Variants in GPR65 observed in about 807,000 individuals in gnomAD.
The protein encoded by GPR65 is T-cell death-associated gene 8 protein.
In GPR65, 2 loss-of-function variants were observed where a neutral mutation model predicts 0.7. That is an observed-to-expected ratio of 2.83 (90% CI 1.16 to 8.92). GPR65 has a LOEUF of 8.92. Among genes scored for constraint, GPR65 ranks in the 30% most tolerant of loss-of-function variants. The probability of loss-of-function intolerance (pLI) is 0.04; values close to 1 mark genes in which losing one functional copy is unlikely to be tolerated. For synonymous variants in GPR65, 128 were observed against 146.5 expected (o/e 0.87, Z 0.91); for missense variants, 379 against 399.4 (o/e 0.95, Z 0.43).
At position 88,014,481 on chromosome 14, in the gene GPR65, G is replaced by T. The variant is rs1887735421; in HGVS notation, c.*2620G>T. The stretch of plus-strand genomic sequence containing the variant: ...CTCAGCACTTAAAAAATTACATCTT[G>T]TATTTGAATTGTTAAATCTGTTCCC... On this transcript the variant is annotated 3_prime_UTR_variant, in exon 2 of 2. Transcript: ENST00000267549. The T allele has an allele frequency of 6.6e-6, 1 of 152,028 alleles. No individual in the cohort carries two copies. Among genetic ancestry groups the T allele is most frequent in the African/African-American group, 2.4e-5 (1 of 41,406 alleles). The allele number at this position is 152,028 out of a possible 1,614,324, so 9.4% of individuals were successfully genotyped here.
rs146738368 is a variant in GPR65 at position 88,011,645 on chromosome 14, G to A, written c.798G>A (p.Lys266=). ...TCGAAGACCACAGCAATTCTGGGAA[G>A]CGAACTTACACAATGTATAGAATCA... ...VNFEDHSNSG[K]RTYTMYRITV... Residue 266 remains lysine, a synonymous_variant, in exon 2 of 2, where the codon AAG becomes AAA. Coordinates refer to ENST00000267549, the MANE Select transcript of GPR65 (RefSeq NM_003608.4). 6.2e-6 allele frequency: 10 copies of A among 1,613,804 alleles called. No individual in the cohort carries two copies. The African/African-American group carries it at 6.7e-5, about 11-fold the overall frequency.
In GPR65 at chr14:88,011,367, T is replaced by C. The variant is rs771016297; in HGVS notation, c.520T>C (p.Tyr174His). ...TAATTTTACTTTATGCTATGACAAATACCCTTTAGAGAAATGGCAAATCAA... is the reference window on the plus strand; with the variant it reads ...TAATTTTACTTTATGCTATGACAAACACCCTTTAGAGAAATGGCAAATCAA... The part of the protein sequence containing the change: ...KSNFTLCYDK[Y>H]PLEKWQINLN... The change falls in exon 2 of 2, where the codon TAC becomes CAC. Residue 174 changes from tyrosine to histidine, a missense_variant. Transcript: ENST00000267549. 9 of 1,614,108 alleles carry C rather than the reference T, an allele frequency of 5.6e-6. No individual in the cohort carries two copies. In the South Asian group the frequency reaches 6.6e-5, roughly 12 times the overall value.
rs965761617 is a variant in GPR65, at chr14:88,013,836, T to C, written c.*1975T>C. 6.6e-6 allele frequency: 1 copy of C among 151,498 alleles called. No homozygotes were observed. The highest frequency in any genetic ancestry group is 2.4e-5 in the African/African-American group (1 of 41,156). 9.4% of individuals were successfully genotyped at this position (151,498 alleles called of 1,614,324 possible). Reference sequence around the variant, plus strand: ...GGGTGAGGGGGAAGTGATGTGGGGGTTATGGTACCTCTTTTCTCTTCCAAA... The same window carrying C: ...GGGTGAGGGGGAAGTGATGTGGGGGCTATGGTACCTCTTTTCTCTTCCAAA... On this transcript the variant is annotated 3_prime_UTR_variant, in exon 2 of 2. Coordinates refer to ENST00000267549, the MANE Select transcript of GPR65 (RefSeq NM_003608.4).
rs139775422 is a variant in GPR65 at position 88,011,327 on chromosome 14, C to T, written c.480C>T (p.Cys160=). The T allele has an allele frequency of 1.3e-4, 213 of 1,613,750 alleles. 1 individual carries two copies. In the East Asian group the frequency reaches 2.0e-3, roughly 15 times the overall value. ...LWEDETVVEY[C]DAEKSNFTLC... ...AAGATGAAACAGTTGTTGAATATTG[C>T]GATGCCGAAAAGTCTAATTTTACTT... The change falls in exon 2 of 2, where the codon TGC becomes TGT. Residue 160 remains cysteine (C), a synonymous_variant. Transcript: ENST00000267549.
In GPR65 at chr14:88,012,767, A is replaced by C. The variant is rs1351752357; in HGVS notation, c.*906A>C. 6.6e-6 allele frequency: 1 copy of C among 152,186 alleles called. No homozygotes were observed. Among genetic ancestry groups the C allele is most frequent in the Non-Finnish European group, 1.5e-5 (1 of 68,032 alleles). 9.4% of individuals were successfully genotyped at this position (152,186 alleles called of 1,614,324 possible). ...TCATTAACAAATATTTATTGAATCCATTCCATAAACTAGGTTTTGAGTTAA... is the reference window on the plus strand; with the variant it reads ...TCATTAACAAATATTTATTGAATCCCTTCCATAAACTAGGTTTTGAGTTAA... On this transcript the variant is annotated 3_prime_UTR_variant, in exon 2 of 2. Transcript: ENST00000267549.
chr14:88,011,266 T>C lies in GPR65; in HGVS notation c.419T>C (p.Ile140Thr). The change falls in exon 2 of 2, where the codon ATA becomes ACA. Residue 140 changes from isoleucine (I) to threonine (T), a missense_variant. Physicochemically the swap from Ile to Thr is moderately conservative, Grantham distance 89. Coordinates refer to ENST00000267549, the MANE Select transcript of GPR65 (RefSeq NM_003608.4). ...CTCATGGTCAGCCTGTCCATCTGGA[T>C]ATTGGAAACCATCTTCAATGCTGTC... ...FALMVSLSIW[I>T]LETIFNAVML... 6.2e-7 allele frequency: 1 copy of C among 1,613,932 alleles called. No individual in the cohort carries two copies. The highest frequency in any genetic ancestry group is 8.5e-7 in the Non-Finnish European group (1 of 1,179,880).
At position 88,010,845 on chromosome 14, in the gene GPR65, A is replaced by G. The variant is rs1490835814; in HGVS notation, c.-3A>G. The stretch of plus-strand genomic sequence containing the variant: ...ATATAATTGCTACCTTAAAAAGGAA[A>G]AAATGAACAGCACATGTATTGAAGA... On this transcript the variant is annotated 5_prime_UTR_variant, in exon 2 of 2. Transcript: ENST00000267549. 9 of 1,600,472 alleles carry G rather than the reference A, an allele frequency of 5.6e-6. No individual in the cohort carries two copies. The highest frequency in any genetic ancestry group is 5.5e-5 in the South Asian group (5 of 90,472).
intron 1 of GPR65, among the ~76,000 whole-genome samples, chr14:88,008,800 T>C (rs1182071841): frequency 6.6e-6 from 1 of 152,142 alleles, no homozygotes. Context: ...TTTGTTGTGT[T>C]GGGTGTGTAG....
chr14:88,008,678 G>A (rs941678470), intron 1 of GPR65, among the ~76,000 whole-genome samples: 1 of 152,172 alleles, frequency 6.6e-6, no homozygotes, highest in East Asian at 1.9e-4. Flanking sequence ...AGGTGGAATT[G>A]CTGGATCATA....
rs1000596884 is a variant in GPR65 at position 88,012,310 on chromosome 14, C to T, written c.*449C>T. 2 of 152,946 alleles carry T rather than the reference C, an allele frequency of 1.3e-5. No homozygotes were observed. The highest frequency in any genetic ancestry group is 4.8e-5 in the African/African-American group (2 of 41,444). 9.5% of individuals were successfully genotyped at this position (152,946 alleles called of 1,614,324 possible). On this transcript the variant is annotated 3_prime_UTR_variant, in exon 2 of 2. Coordinates refer to ENST00000267549, the MANE Select transcript of GPR65 (RefSeq NM_003608.4). ...TGCTTCTAATCTCCTCATTCATTAA[C>T]AAATCTTTATTTTTTTATCTTGTAT... is the stretch of plus-strand genomic sequence containing the variant.
In GPR65 at chr14:88,013,364, T is replaced by C. The variant is rs1284039379; in HGVS notation, c.*1503T>C. ...CCATGCCTGGCAAAGAGAGTCTTGA[T>C]ACAACATATTCTTTTGAATCCTCAT... On this transcript the variant is annotated 3_prime_UTR_variant, in exon 2 of 2. Coordinates refer to ENST00000267549, the MANE Select transcript of GPR65 (RefSeq NM_003608.4). 2.0e-5 allele frequency: 3 copies of C among 152,220 alleles called. No homozygotes were observed. Among genetic ancestry groups the C allele is most frequent in the Non-Finnish European group, 4.4e-5 (3 of 68,050 alleles). 9.4% of individuals were successfully genotyped at this position (152,220 alleles called of 1,614,324 possible).
In GPR65 at chr14:88,011,371, C is replaced by T. The variant is rs776879229; in HGVS notation, c.524C>T (p.Pro175Leu). The change falls in exon 2 of 2, where the codon CCT (proline) becomes CTT (leucine). Residue 175 changes from proline (P) to leucine (L), a missense_variant. Coordinates refer to ENST00000267549, the MANE Select transcript of GPR65 (RefSeq NM_003608.4). ...SNFTLCYDKY[P>L]LEKWQINLNL... ...TTTACTTTATGCTATGACAAATACCCTTTAGAGAAATGGCAAATCAACCTC... is the reference window on the plus strand; with the variant it reads ...TTTACTTTATGCTATGACAAATACCTTTTAGAGAAATGGCAAATCAACCTC... 2 of 1,613,968 alleles carry T rather than the reference C, an allele frequency of 1.2e-6. No individual in the cohort carries two copies. Among genetic ancestry groups the T allele is most frequent in the South Asian group, 1.1e-5 (1 of 91,082 alleles).
rs949855065 is a variant in GPR65 at position 88,014,313 on chromosome 14, G to A, written c.*2452G>A. 2 of 152,126 alleles carry A rather than the reference G, an allele frequency of 1.3e-5. No individual in the cohort carries two copies. Among genetic ancestry groups the A allele is most frequent in the African/African-American group, 4.8e-5 (2 of 41,432 alleles). The allele number at this position is 152,126 out of a possible 1,614,324, so 9.4% of individuals were successfully genotyped here. A position where few individuals can be genotyped will look rare whatever the true frequency, so the allele number is the denominator to read the frequency against. On this transcript the variant is annotated 3_prime_UTR_variant, in exon 2 of 2. Transcript: ENST00000267549. Reference sequence around the variant, plus strand: ...TATCTTACCCATGTAAGAAAAGAGTGGCCAACTTTCATATAAATAGAAAGA... The same window carrying A: ...TATCTTACCCATGTAAGAAAAGAGTAGCCAACTTTCATATAAATAGAAAGA...
rs1887719314 is a variant in GPR65, at chr14:88,013,472, C to T, written c.*1611C>T. 1 of 152,236 alleles carries T rather than the reference C, an allele frequency of 6.6e-6. No individual in the cohort carries two copies. Among genetic ancestry groups the T allele is most frequent in the South Asian group, 2.1e-4 (1 of 4,830 alleles). The allele number at this position is 152,236 out of a possible 1,614,324, so 9.4% of individuals were successfully genotyped here. A position where few individuals can be genotyped will look rare whatever the true frequency, so the allele number is the denominator to read the frequency against. The stretch of plus-strand genomic sequence containing the variant: ...TTTTTAAGGATTTTTCTACCCTTCT[C>T]CTTTTCTCTTTGCTTTCCTTTTCTT... On this transcript the variant is annotated 3_prime_UTR_variant, in exon 2 of 2. Coordinates refer to ENST00000267549, the MANE Select transcript of GPR65 (RefSeq NM_003608.4).
Position 88,011,057 on chromosome 14 carries a change from G to A in GPR65, c.210G>A (p.Trp70Ter). 1.2e-6 allele frequency: 2 copies of A among 1,612,212 alleles called. No homozygotes were observed. Among genetic ancestry groups the A allele is most frequent in the Non-Finnish European group, 1.7e-6 (2 of 1,178,344 alleles). The change falls in exon 2 of 2, where the codon TGG becomes TGA. Residue 70 changes from tryptophan (W) to a stop codon, truncating the protein, a stop_gained. Transcript: ENST00000267549. LOFTEE classifies it low-confidence loss of function (END_TRUNC). ...TCTATGCATTAACTCTCCCTTTATG[G>A]ATTGATTATACCTGGAATAAAGACA... ...DLLYALTLPL[W>*]IDYTWNKDNW...
Position 88,012,550 on chromosome 14 carries a change from A to T in GPR65, c.*689A>T, listed in dbSNP as rs1887701153. ...ATTAATTTACTTTCTGTCTCTAAGG[A>T]TTTTCATTACTCTGAACATTTCATA... is the stretch of plus-strand genomic sequence containing the variant. On this transcript the variant is annotated 3_prime_UTR_variant, in exon 2 of 2. Coordinates refer to ENST00000267549, the MANE Select transcript of GPR65 (RefSeq NM_003608.4). 6.6e-6 allele frequency: 1 copy of T among 152,100 alleles called. No homozygotes were observed. The highest frequency in any genetic ancestry group is 1.5e-5 in the Non-Finnish European group (1 of 68,040). The allele number at this position is 152,100 out of a possible 1,614,324, so 9.4% of individuals were successfully genotyped here.
At position 88,005,184 on chromosome 14, in the gene GPR65, G is replaced by C. The variant is rs530865358; in HGVS notation, c.-498G>C. The C allele has an allele frequency of 3.5e-4, 53 of 152,346 alleles. No individual in the cohort carries two copies. Among genetic ancestry groups the C allele is most frequent in the African/African-American group, 1.2e-3 (50 of 41,520 alleles). 9.4% of individuals were successfully genotyped at this position (152,346 alleles called of 1,614,324 possible). On this transcript the variant is annotated 5_prime_UTR_variant, in exon 1 of 2. Coordinates refer to ENST00000267549, the MANE Select transcript of GPR65 (RefSeq NM_003608.4). ...CTTGATGCAGGCACAGATTTATCAA[G>C]CTCCTCAGTCAACAAACACATCACC...
chr14:88,010,599 G>A lies in GPR65; in HGVS notation c.-249G>A, dbSNP rs1278479840. 1 of 427,266 alleles carries A rather than the reference G, an allele frequency of 2.3e-6. No individual in the cohort carries two copies. Among genetic ancestry groups the A allele is most frequent in the Admixed American group, 3.9e-5 (1 of 25,438 alleles). 26.5% of individuals were successfully genotyped at this position (427,266 alleles called of 1,614,324 possible). ...CATGGACTTCTGTTTATTAAATTCAGTTGACCCCTTTAGCCAATTGCCAGG... is the reference window on the plus strand; with the variant it reads ...CATGGACTTCTGTTTATTAAATTCAATTGACCCCTTTAGCCAATTGCCAGG... On this transcript the variant is annotated 5_prime_UTR_variant, in exon 2 of 2. Transcript: ENST00000267549.
Position 88,011,746 on chromosome 14 carries a change from A to C in GPR65, c.899A>C (p.Asp300Ala). The change falls in exon 2 of 2, where the codon GAT (aspartate) becomes GCT (alanine). Residue 300 changes from aspartate (D) to alanine (A), a missense_variant. By Grantham distance (126) the Asp-to-Ala change is moderately radical. Coordinates refer to ENST00000267549, the MANE Select transcript of GPR65 (RefSeq NM_003608.4). The part of the protein sequence containing the change: ...YCFVTETGRY[D>A]MWNILKFCTG... ...TTTGTAACCGAAACAGGAAGATATG[A>C]TATGTGGAATATATTAAAATTCTGC... 1 of 1,612,936 alleles carries C rather than the reference A, an allele frequency of 6.2e-7. No individual in the cohort carries two copies. Among genetic ancestry groups the C allele is most frequent in the South Asian group, 1.1e-5 (1 of 91,058 alleles).
Sources: allele counts gnomAD v4.1 joint callset (sites outside exome capture counted in the v4.1 genomes callset), GRCh38; gene constraint gnomAD v4.1.1; transcripts MANE v1.5; gene names NCBI Gene and HGNC (gene_info 2026-07-23, HGNC 2026-07-21).